Variants in ADK observed in about 807,000 individuals in gnomAD.
ADK encodes N6,N6-dimethyladenosine kinase.
A neutral mutation model predicts 44.7 loss-of-function variants in ADK; 24 were observed. The observed-to-expected ratio is 0.54, with a 90% CI of 0.39 to 0.76. The LOEUF is 0.76. Ranked by LOEUF, ADK falls within the 30% of genes least tolerant of loss-of-function variation. The probability of loss-of-function intolerance (pLI) is 0.00; values close to 1 mark genes in which losing one functional copy is unlikely to be tolerated. For synonymous variants in ADK, 128 were observed against 142.6 expected (o/e 0.90, Z 0.73); for missense variants, 321 against 425.1 (o/e 0.76, Z 2.15).
chr10:74,654,758 G>A (rs1303549918), intron 9 of ADK, among the ~76,000 whole-genome samples: 1 of 151,574 alleles, frequency 6.6e-6, no homozygotes, highest in Non-Finnish European at 1.5e-5. Context: ...GTTGCAGTGA[G>A]TAAGCCAAGA....
At position 74,567,655 on chromosome 10, in the gene ADK, C is replaced by T. The variant is rs532050185; in HGVS notation, c.727-21627C>T. ...AGACTTTGATCAAATTTCACATTTC[C>T]CATTTCTTTTGTTCTCTCTCTCTCT... On this transcript the variant is annotated intron_variant, in intron 7 of 10. Coordinates refer to ENST00000539909, the MANE Select transcript of ADK (RefSeq NM_006721.4). 2.2e-3 allele frequency among the ~76,000 whole-genome samples: 331 copies of T among 151,576 alleles called. 2 individuals are homozygous for T. Among genetic ancestry groups the T allele is most frequent in the African/African-American group, 7.7e-3 (317 of 41,220 alleles).
intron 7 of ADK, among the ~76,000 whole-genome samples, chr10:74,582,571 T>G (rs1851407925): frequency 6.6e-6 from 1 of 152,190 alleles, no homozygotes; most frequent in Non-Finnish European, 1.5e-5. Flanking sequence ...AATAGACAAG[T>G]CAGTTAATCA....
chr10:74,246,949 A>C (rs1845435938), intron 3 of ADK, among the ~76,000 whole-genome samples: 1 of 151,946 alleles, frequency 6.6e-6, no homozygotes, highest in African/African-American at 2.4e-5. Context: ...TTAAAATAAT[A>C]AATATTTAAA....
At position 74,708,381 on chromosome 10, in the gene ADK, A is replaced by G. The variant is rs1245754837; in HGVS notation, c.1025A>G (p.Tyr342Cys). 1 of 1,612,938 alleles carries G rather than the reference A, an allele frequency of 6.2e-7. No individual in the cohort carries two copies. Among genetic ancestry groups the G allele is most frequent in the Admixed American group, 1.7e-5 (1 of 59,984 alleles). ...PLTECIRAGH[Y>C]AASIIIRRTG... Reference sequence around the variant, plus strand: ...ACTGAATGTATCCGTGCTGGCCACTATGCAGCAAGCATCATAATTAGACGG... The same window carrying G: ...ACTGAATGTATCCGTGCTGGCCACTGTGCAGCAAGCATCATAATTAGACGG... The change falls in exon 11 of 11, where the codon TAT becomes TGT. Residue 342 changes from tyrosine (Y) to cysteine (C), a missense_variant. Transcript: ENST00000539909.
chr10:74,154,520 C>T (rs1841697157), intron 1 of ADK, among the ~76,000 whole-genome samples: 1 of 152,180 alleles, frequency 6.6e-6, no homozygotes, highest in Non-Finnish European at 1.5e-5. Flanking sequence ...CCACCTGCCT[C>T]AGCCTCCCAA....
intron 4 of ADK, among the ~76,000 whole-genome samples, chr10:74,392,015 G>A (rs1843353276): frequency 6.6e-6 from 1 of 152,028 alleles, no homozygotes; most frequent in South Asian, 2.1e-4. Flanking sequence ...CTATGTTGTA[G>A]CATGTGACAG....
chr10:74,409,724 G>A (rs938673709), intron 6 of ADK, among the ~76,000 whole-genome samples: 2 of 152,126 alleles, frequency 1.3e-5, no homozygotes, highest in South Asian at 2.1e-4. Context: ...CTGGAATAAG[G>A]GAAGTATGAT....
chr10:74,602,673 TAAATC>T (rs1260338829), intron 9 of ADK, among the ~76,000 whole-genome samples: 3 of 152,172 alleles, frequency 2.0e-5, no homozygotes, highest in South Asian at 2.1e-4. Flanking sequence ...AAAATGAACT[TAAATC>T]AAAGGATGCA....
chr10:74,476,160 T>C (rs1240423150), intron 6 of ADK, among the ~76,000 whole-genome samples: 1 of 152,156 alleles, frequency 6.6e-6, no homozygotes, highest in African/African-American at 2.4e-5. Context: ...TTGACATGTA[T>C]TTACTTATTT....
At chr10:74,172,789 T>G (rs1842203467) in intron 1 of ADK, among the ~76,000 whole-genome samples, 1 of 149,238 alleles carries the variant, frequency 6.7e-6, no homozygotes, top group Non-Finnish European at 1.5e-5. Context: ...ACAAAAAATT[T>G]GCCAGGCCTG....
intron 4 of ADK, among the ~76,000 whole-genome samples, chr10:74,350,127 C>T (rs1190684627): frequency 6.6e-6 from 1 of 152,182 alleles, no homozygotes; most frequent in African/African-American, 2.4e-5. Flanking sequence ...TTCTCAGCAG[C>T]ACATGGCACT....
At position 74,221,425 on chromosome 10, in the gene ADK, C is replaced by T. The variant is rs1473744856; in HGVS notation, c.141-3113C>T. 1.4e-4 allele frequency among the ~76,000 whole-genome samples: 22 copies of T among 151,974 alleles called. No individual in the cohort carries two copies. In the East Asian group the frequency reaches 1.7e-3, roughly 12 times the overall value. On this transcript the variant is annotated intron_variant, in intron 2 of 10. Coordinates refer to ENST00000539909, the MANE Select transcript of ADK (RefSeq NM_006721.4). ...GCTCATGGGTAGGAAGAATCAATAT[C>T]GTGAAAATGGCCATACTGCCCAAGG...
At chr10:74,510,450 G>A (rs932637760) in intron 6 of ADK, among the ~76,000 whole-genome samples, 23 of 152,004 alleles carry the variant, frequency 1.5e-4, no homozygotes, top group African/African-American at 5.6e-4. Flanking sequence ...TATATTCTTA[G>A]TATTAATCCC....
intron 10 of ADK, among the ~76,000 whole-genome samples, chr10:74,678,633 T>C (rs1763841606): frequency 6.6e-6 from 1 of 152,242 alleles, no homozygotes; most frequent in Non-Finnish European, 1.5e-5. Context: ...AGCTCAGATG[T>C]GAAACTTAGG....
At chr10:74,216,201 TAC>T (rs1393400078) in intron 2 of ADK, among the ~76,000 whole-genome samples, 1 of 152,194 alleles carries the variant, frequency 6.6e-6, no homozygotes, top group African/African-American at 2.4e-5. Context: ...TTTTATGCAT[TAC>T]AGTCTTTCAT....
intron 3 of ADK, among the ~76,000 whole-genome samples, chr10:74,262,396 T>C (rs1846071411): frequency 6.6e-6 from 1 of 152,084 alleles, no homozygotes; most frequent in South Asian, 2.1e-4. Flanking sequence ...CCAGTTCTTC[T>C]GTAAGATATA....
intron 8 of ADK, among the ~76,000 whole-genome samples, chr10:74,590,669 T>G (rs1181836245): frequency 6.6e-6 from 1 of 152,154 alleles, no homozygotes; most frequent in African/African-American, 2.4e-5. Context: ...AAATCTAGGT[T>G]TAAGTCACAT....
chr10:74,538,963 A>G (rs183842385), intron 7 of ADK, among the ~76,000 whole-genome samples: 2 of 152,310 alleles, frequency 1.3e-5, no homozygotes, highest in African/African-American at 4.8e-5. Context: ...ATGTGTAATT[A>G]TGTACACCAA....
chr10:74,201,676 G>GTATGTATCTATC (rs1375192485), intron 2 of ADK, among the ~76,000 whole-genome samples: 39 of 117,542 alleles, frequency 3.3e-4, no homozygotes, highest in African/African-American at 1.2e-3. Context: ...ATGTATGTAT[G>GTATGTATCTATC]TATCTATCTA....
Sources: allele counts gnomAD v4.1 joint callset (sites outside exome capture counted in the v4.1 genomes callset), GRCh38; gene constraint gnomAD v4.1.1; transcripts MANE v1.5; gene names NCBI Gene and HGNC (gene_info 2026-07-23, HGNC 2026-07-21).